The following AMY2B variants were observed in gnomAD, a reference collection of about 807,000 sequenced individuals.
AMY2B encodes the protein amylase alpha 2B, also known as alpha-amylase 2B.
A neutral mutation model predicts 59.3 loss-of-function variants in AMY2B; 63 were observed. The observed-to-expected ratio is 1.06, with a 90% confidence interval of 0.87 to 1.31. AMY2B has a LOEUF of 1.31. Among genes scored for constraint, AMY2B ranks in the 50% most tolerant of loss-of-function variants. The pLI is 0.00. For missense variants in AMY2B, 635 were observed against 626.7 expected, an observed-to-expected ratio of 1.01 and a Z score of -0.14; for synonymous variants, 180 against 198.1, an observed-to-expected ratio of 0.91 and a Z score of 0.77.
intron 7 of AMY2B, 108 bp from the exon 8 acceptor site, chr1:103,577,382 C>T: frequency 1.9e-6 from 3 of 1,578,056 alleles, no homozygotes; most frequent in African/African-American, 1.4e-5. Context: ...TAGATAAAGT[C>T]ATTGAATGCA....
chr1:103,555,246 T>C (rs1651512883), intron 1 of AMY2B: 1 of 151,978 alleles, frequency 6.6e-6, no homozygotes, highest in African/African-American at 2.4e-5. Context: ...AAAATAGTGT[T>C]TGTATTTTTT....
chr1:103,572,063 G>T, intron 1 of AMY2B, 47 bp from the exon 2 acceptor site: 1 of 1,611,018 alleles, frequency 6.2e-7, no homozygotes, highest in Admixed American at 1.7e-5. Flanking sequence ...AACATTCAAT[G>T]ATATAGAGTA....
chr1:103,579,259 G>A (rs1652480491), intron 9 of AMY2B, 52 bp from the exon 10 acceptor site: 1 of 1,611,194 alleles, frequency 6.2e-7, no homozygotes, highest in South Asian at 1.1e-5. Context: ...GTGTTAGCCT[G>A]TATTCTTGAT....
upstream of AMY2B, chr1:103,569,884 C>T: frequency 2.2e-6 from 1 of 462,174 alleles, no homozygotes; most frequent in Non-Finnish European, 4.3e-6. Context: ...ACCCCCTGAA[C>T]CTCAAGGCCA....
Position 103,574,291 on chromosome 1 carries a change from G to C in AMY2B, c.776G>C (p.Ser259Thr). The C allele has an allele frequency of 1.2e-6, 2 of 1,611,562 alleles. No homozygotes were observed. Among genetic ancestry groups the C allele is most frequent in the Non-Finnish European group, 1.7e-6 (2 of 1,179,660 alleles). Reference protein sequence around the residue: ...VIDLGGEPIKSSDYFGNGRVT... With the variant: ...VIDLGGEPIKTSDYFGNGRVT... Reference sequence around the variant, plus strand: ...GATCTGGGTGGTGAGCCAATTAAAAGCAGTGACTACTTTGGAAATGGCCGG... The same window carrying C: ...GATCTGGGTGGTGAGCCAATTAAAACCAGTGACTACTTTGGAAATGGCCGG... The change falls in exon 5 of 10, where the codon AGC becomes ACC. Residue 259 changes from serine to threonine, a missense_variant. Transcript: ENST00000684275.
intron 7 of AMY2B, among the ~76,000 whole-genome samples, chr1:103,576,377 A>G (rs1652354334): frequency 6.6e-6 from 1 of 152,174 alleles, no homozygotes; most frequent in Non-Finnish European, 1.5e-5. Flanking sequence ...GTGTACTTTT[A>G]TATTGAGCCA....
At chr1:103,575,069 TA>T in intron 5 of AMY2B, among the ~76,000 whole-genome samples, 153 bp from the exon 6 acceptor site, 1 of 148,614 alleles carries the variant, frequency 6.7e-6, no homozygotes, top group African/African-American at 2.5e-5. Context: ...TGTATATATA[TA>T]TATATATATA....
chr1:103,570,694 C>T, upstream of AMY2B: 1 of 563,920 alleles, frequency 1.8e-6, no homozygotes, highest in South Asian at 1.4e-5. Flanking sequence ...GAGCAGATGG[C>T]TAGCAATTGC....
At chr1:103,577,361 G>A (rs1176211492) in intron 7 of AMY2B, 129 bp from the exon 8 acceptor site, 1 of 1,518,068 alleles carries the variant, frequency 6.6e-7, no homozygotes, top group East Asian at 2.3e-5. Flanking sequence ...ATTATTGAAG[G>A]CATTGGATTC....
At chr1:103,574,135 A>G (rs1652251104) in intron 4 of AMY2B, 125 bp from the exon 5 acceptor site, 1 of 1,487,128 alleles carries the variant, frequency 6.7e-7, no homozygotes, top group Non-Finnish European at 9.0e-7. Context: ...AAGAAATAAT[A>G]AATAGCTTAA....
chr1:103,566,681 A>G (rs1196015857), upstream of AMY2B, among the ~76,000 whole-genome samples: 1 of 152,146 alleles, frequency 6.6e-6, no homozygotes, highest in Non-Finnish European at 1.5e-5. Context: ...AGTACAGAGA[A>G]TGTTGACTTG....
At chr1:103,575,141 T>G in intron 5 of AMY2B, 82 bp from the exon 6 acceptor site, 1 of 1,593,148 alleles carries the variant, frequency 6.3e-7, no homozygotes, top group Non-Finnish European at 8.6e-7. Context: ...TGCCATGCCA[T>G]GCAGAAAGAG....
In AMY2B at chr1:103,573,820, T is replaced by G. The variant is rs1474223989; in HGVS notation, c.626T>G (p.Phe209Cys). ...CTCATTGACATTGGTGTTGCAGGGT[T>G]CAGACTTGATGCTTCCAAGCACATG... ...NHLIDIGVAG[F>C]RLDASKHMWP... The change falls in exon 4 of 10, where the codon TTC becomes TGC. Residue 209 changes from phenylalanine (F) to cysteine (C), a missense_variant. Transcript: ENST00000684275. The G allele has an allele frequency of 6.2e-7, 1 of 1,613,764 alleles. No individual in the cohort carries two copies. Among genetic ancestry groups the G allele is most frequent in the Non-Finnish European group, 8.5e-7 (1 of 1,179,792 alleles).
At chr1:103,575,172 C>T (rs760197208) in intron 5 of AMY2B, 51 bp from the exon 6 acceptor site, 1 of 1,610,178 alleles carries the variant, frequency 6.2e-7, no homozygotes. Flanking sequence ...AAGTTACTCG[C>T]AAACTATTGT....
chr1:103,566,387 C>T (rs577525513), intron 2 of AMY2B, among the ~76,000 whole-genome samples: 24 of 152,126 alleles, frequency 1.6e-4, no homozygotes, highest in Non-Finnish European at 2.8e-4. Context: ...TGTAATTTAA[C>T]GTATTTTACT....
chr1:103,567,930 G>C (rs978831145), upstream of AMY2B, among the ~76,000 whole-genome samples: 7 of 152,120 alleles, frequency 4.6e-5, no homozygotes, highest in East Asian at 1.4e-3. Context: ...TAAATGACTG[G>C]ACACTTCTAA....
Position 103,573,723 on chromosome 1 carries a change from CT to C in AMY2B, c.530del (p.Leu177ArgfsTer22). The C allele has an allele frequency of 1.2e-6, 2 of 1,613,680 alleles. No homozygotes were observed. Among genetic ancestry groups the C allele is most frequent in the Non-Finnish European group, 1.7e-6 (2 of 1,179,650 alleles). ...NDATQVRDCR[L>X]VGLLDLALEK... ...ACCTCAACAGGTCAGAGATTGTCGTCTGGTTGGTCTTCTTGATCTTGCACTG... is the reference window on the plus strand; with the variant it reads ...ACCTCAACAGGTCAGAGATTGTCGTCGGTTGGTCTTCTTGATCTTGCACTG... On this transcript the variant is annotated frameshift_variant, in exon 4 of 10. Coordinates refer to ENST00000684275, the MANE Select transcript of AMY2B (RefSeq NM_001387437.1). LOFTEE classifies it high-confidence loss of function.
At chr1:103,563,459 G>A (rs1651803651) in intron 1 of AMY2B, among the ~76,000 whole-genome samples, 1 of 152,072 alleles carries the variant, frequency 6.6e-6, no homozygotes, top group African/African-American at 2.4e-5. Context: ...TGATGCCGAA[G>A]ATGCTAAGAA....
chr1:103,563,711 A>G (rs1651812916), intron 1 of AMY2B, among the ~76,000 whole-genome samples: 1 of 152,104 alleles, frequency 6.6e-6, no homozygotes, highest in South Asian at 2.1e-4. Context: ...TTTTTTACCA[A>G]CATTCCAAAT....
Sources: gnomAD v4.1 joint callset for allele counts (sites outside exome capture counted in the v4.1 genomes callset) on GRCh38, gnomAD v4.1.1 for gene constraint, MANE v1.5 for transcripts, NCBI Gene and HGNC (gene_info 2026-07-23, HGNC 2026-07-21) for gene names.